ASXL3: variants seen among roughly 807,000 people sequenced by gnomAD.
The protein encoded by ASXL3 is ASXL transcriptional regulator 3, also known as putative Polycomb group protein ASXL3.
Under a neutral mutation model 170.6 loss-of-function variants are expected in ASXL3, and 34 were observed. That is an observed-to-expected ratio of 0.20 (90% CI 0.15 to 0.27). The LOEUF is 0.27. Ranked by LOEUF, ASXL3 falls within the 10% of genes least tolerant of loss-of-function variation. The probability of loss-of-function intolerance (pLI) is 1.00; values close to 1 mark genes in which losing one functional copy is unlikely to be tolerated. For missense variants in ASXL3, 2,592 were observed against 2,695.3 expected (o/e 0.96, Z 0.85); for synonymous variants, 1,002 against 989.1 (o/e 1.01, Z -0.24).
intron 8 of ASXL3, among the ~76,000 whole-genome samples, chr18:33,703,439 A>G (rs961912881): frequency 6.6e-6 from 1 of 152,136 alleles, no homozygotes; most frequent in African/African-American, 2.4e-5. Flanking sequence ...CAAAGGCCCT[A>G]GTATTCTTGG....
intron 8 of ASXL3, among the ~76,000 whole-genome samples, chr18:33,718,382 T>C (rs571061601): frequency 1.3e-5 from 2 of 152,186 alleles, no homozygotes; most frequent in Non-Finnish European, 2.9e-5. Flanking sequence ...ACCTTCCCTG[T>C]ATTAGTTTTC....
chr18:33,587,991 G>T (rs1395757374), intron 1 of ASXL3, among the ~76,000 whole-genome samples: 1 of 151,844 alleles, frequency 6.6e-6, no homozygotes, highest in African/African-American at 2.4e-5. Context: ...CTTTATTTTT[G>T]AAGTTGTACA....
chr18:33,715,403 T>C (rs561077423), intron 8 of ASXL3, among the ~76,000 whole-genome samples: 21 of 152,360 alleles, frequency 1.4e-4, no homozygotes, highest in Admixed American at 2.6e-4. Flanking sequence ...AATAGTAGGC[T>C]ACACATTCTG....
intron 2 of ASXL3, among the ~76,000 whole-genome samples, chr18:33,621,816 G>A (rs1026972296): frequency 1.3e-5 from 2 of 152,138 alleles, no homozygotes; most frequent in African/African-American, 4.8e-5. Flanking sequence ...TTTGTCTGTA[G>A]ACAATTTGAT....
At chr18:33,631,452 C>G (rs1389832928) in intron 2 of ASXL3, among the ~76,000 whole-genome samples, 1 of 151,842 alleles carries the variant, frequency 6.6e-6, no homozygotes, top group Non-Finnish European at 1.5e-5. Context: ...AGAATGTAAA[C>G]CAAAACAATA....
In ASXL3 at chr18:33,683,662, A is replaced by G. The variant is rs1271217563; in HGVS notation, c.879+94A>G. ...TCAAAGATGACTTATATATGGATAT[A>G]GTAATTTCTGTAATTTATGCATTTC... On this transcript the variant is annotated intron_variant, in intron 8 of 11. Transcript: ENST00000269197. The G allele has an allele frequency of 4.0e-6, 5 of 1,242,126 alleles. No individual in the cohort carries two copies. In the East Asian group the frequency reaches 1.3e-4, roughly 31 times the overall value. The allele number at this position is 1,242,126 out of a possible 1,614,324, so 76.9% of individuals were successfully genotyped here.
intron 4 of ASXL3, among the ~76,000 whole-genome samples, chr18:33,660,670 C>T (rs187098109): frequency 6.8e-4 from 103 of 152,258 alleles, no homozygotes; most frequent in African/African-American, 2.4e-3. Flanking sequence ...TCCATTCTGT[C>T]GCTAATCATA....
chr18:33,639,628 A>G (rs768431097), intron 2 of ASXL3, among the ~76,000 whole-genome samples: 3 of 152,156 alleles, frequency 2.0e-5, no homozygotes, highest in African/African-American at 4.8e-5. Flanking sequence ...TTTTAAAATA[A>G]TACTAAGCAA....
At chr18:33,722,533 T>A (rs968811355) in intron 8 of ASXL3, among the ~76,000 whole-genome samples, 7 of 152,150 alleles carry the variant, frequency 4.6e-5, no homozygotes, top group African/African-American at 1.7e-4. Context: ...AACTCTTTTT[T>A]ATTCTCTGAA....
intron 2 of ASXL3, among the ~76,000 whole-genome samples, chr18:33,640,655 T>A (rs973045176): frequency 1.3e-5 from 2 of 152,150 alleles, no homozygotes; most frequent in African/African-American, 4.8e-5. Flanking sequence ...AATTAAAATG[T>A]TACTTGCACC....
chr18:33,597,845 G>A (rs1194815599), intron 1 of ASXL3, among the ~76,000 whole-genome samples: 1 of 151,714 alleles, frequency 6.6e-6, no homozygotes, highest in Non-Finnish European at 1.5e-5. Flanking sequence ...ATCTACCTGA[G>A]TGATTGTGAA....
chr18:33,624,339 T>G (rs2065565531), intron 2 of ASXL3, among the ~76,000 whole-genome samples: 1 of 152,026 alleles, frequency 6.6e-6, no homozygotes. Flanking sequence ...ATGTAGCAAA[T>G]TATACCTATT....
At chr18:33,624,652 G>A (rs934182559) in intron 2 of ASXL3, among the ~76,000 whole-genome samples, 2 of 152,090 alleles carry the variant, frequency 1.3e-5, no homozygotes, top group South Asian at 2.1e-4. Flanking sequence ...GTGTCTTAAA[G>A]TCCTGTGTCT....
At chr18:33,741,880 T>C (rs1490988957) in intron 11 of ASXL3, among the ~76,000 whole-genome samples, 2 of 152,190 alleles carry the variant, frequency 1.3e-5, no homozygotes. Flanking sequence ...TTTCCAGCTC[T>C]ACACAGCCAT....
chr18:33,743,054 A>G lies in ASXL3; in HGVS notation c.3206A>G (p.Glu1069Gly). Residue 1069 changes from glutamate (E) to glycine (G), a missense_variant, in exon 12 of 12, where the codon GAG (glutamate) becomes GGG (glycine). Physicochemically the swap from Glu to Gly is moderately conservative, Grantham distance 98. This residue lies in a region of ASXL3 where 2,246 missense variants were observed against 2,219.6 expected (regional missense o/e 1.01). Coordinates refer to ENST00000269197, the MANE Select transcript of ASXL3 (RefSeq NM_030632.3). ...GCCCAACAAGCTCGGGCCCAGCGAGAGGCTGCTGCAGCTGCTGCTGTGGCT... is the reference window on the plus strand; with the variant it reads ...GCCCAACAAGCTCGGGCCCAGCGAGGGGCTGCTGCAGCTGCTGCTGTGGCT... ...ARAQQARAQR[E>G]AAAAAAVAAA... 6.2e-7 allele frequency: 1 copy of G among 1,613,206 alleles called. No homozygotes were observed. Among genetic ancestry groups the G allele is most frequent in the Non-Finnish European group, 8.5e-7 (1 of 1,179,738 alleles).
intron 8 of ASXL3, among the ~76,000 whole-genome samples, chr18:33,711,695 T>C (rs1444453439): frequency 6.6e-6 from 1 of 152,150 alleles, no homozygotes; most frequent in Non-Finnish European, 1.5e-5. Context: ...GTCCTGTGGG[T>C]GAGACCATAT....
chr18:33,700,896 A>C (rs2066863027), intron 8 of ASXL3, among the ~76,000 whole-genome samples: 1 of 152,098 alleles, frequency 6.6e-6, no homozygotes, highest in Non-Finnish European at 1.5e-5. Flanking sequence ...GAGTCAACAC[A>C]GTGGGTCACA....
At chr18:33,721,930 CATTTTT>C (rs2067267636) in intron 8 of ASXL3, among the ~76,000 whole-genome samples, 1 of 151,930 alleles carries the variant, frequency 6.6e-6, no homozygotes, top group African/African-American at 2.4e-5. Context: ...ATATTTCAAG[CATTTTT>C]ATTATAATAT....
intron 2 of ASXL3, among the ~76,000 whole-genome samples, chr18:33,638,865 T>A (rs768302368): frequency 1.5e-4 from 23 of 152,170 alleles, no homozygotes; most frequent in Non-Finnish European, 2.9e-4. Flanking sequence ...TGTGTTGCCA[T>A]CATTCTTCTC....
Sources: allele counts gnomAD v4.1 joint callset (sites outside exome capture counted in the v4.1 genomes callset), GRCh38; gene constraint gnomAD v4.1.1; regional missense constraint gnomAD v4.1.1; transcripts MANE v1.5; gene names NCBI Gene and HGNC (gene_info 2026-07-23, HGNC 2026-07-21).